Variants in NUP93 observed in about 807,000 individuals in gnomAD.
The protein encoded by NUP93 is nucleoporin 93.
A neutral mutation model predicts 107.8 loss-of-function variants in NUP93; 55 were observed. The ratio of observed to expected loss-of-function variants is 0.51; its 90% confidence interval spans 0.41 to 0.64. The LOEUF (loss-of-function observed/expected upper bound fraction) is 0.64. Ranked by LOEUF, NUP93 falls within the 30% of genes least tolerant of loss-of-function variation. The pLI, the probability that NUP93 is intolerant of heterozygous loss-of-function variation, is 0.00. For missense variants in NUP93, 937 were observed against 1,044.7 expected (o/e 0.90, Z 1.42); for synonymous variants, 390 against 397.5 (o/e 0.98, Z 0.22).
At chr16:56,805,703 T>A in intron 5 of NUP93, 71 bp downstream of exon 5, 2 of 1,496,236 alleles carry the variant, frequency 1.3e-6, no homozygotes, top group Non-Finnish European at 1.8e-6. Context: ...TCTACTTGAC[T>A]AGTATTTTTG....
At chr16:56,833,516 C>G in intron 13 of NUP93, 110 bp downstream of exon 13, 1 of 819,190 alleles carries the variant, frequency 1.2e-6, no homozygotes, top group Non-Finnish European at 1.8e-6. Context: ...GGGTACCAGT[C>G]ATTTTAGAGC....
At chr16:56,828,944 T>C in intron 8 of NUP93, 33 bp from the exon 9 acceptor site, 1 of 1,608,000 alleles carries the variant, frequency 6.2e-7, no homozygotes, top group Non-Finnish European at 8.5e-7. Context: ...ATGTTTTCAG[T>C]CTTCCCTGTT....
chr16:56,777,408 T>C (rs1161690825), intron 3 of NUP93, among the ~76,000 whole-genome samples: 1 of 152,208 alleles, frequency 6.6e-6, no homozygotes, highest in Non-Finnish European at 1.5e-5. Context: ...CTTTTCCCTG[T>C]TGTTTCTTAA....
intron 3 of NUP93, among the ~76,000 whole-genome samples, chr16:56,762,782 T>C (rs1962148989): frequency 6.6e-6 from 1 of 152,146 alleles, no homozygotes; most frequent in African/African-American, 2.4e-5. Flanking sequence ...CTCCATAGGC[T>C]CTAGGGGAGA....
At chr16:56,821,620 A>C (rs1323655258) in intron 7 of NUP93, 27 bp downstream of exon 7, 3 of 1,523,654 alleles carry the variant, frequency 2.0e-6, no homozygotes, top group Non-Finnish European at 9.1e-7. Context: ...ACTCAAGTAG[A>C]AACCGGGGTC....
intron 10 of NUP93, 36 bp from the exon 11 acceptor site, chr16:56,831,806 G>A (rs1255343211): frequency 1.9e-6 from 3 of 1,603,856 alleles, no homozygotes; most frequent in South Asian, 2.2e-5. Context: ...TTTTTATTGA[G>A]TATGTATCTA....
intron 2 of NUP93, among the ~76,000 whole-genome samples, chr16:56,756,607 T>G (rs2144477588): frequency 6.6e-6 from 1 of 152,268 alleles, no homozygotes; most frequent in Admixed American, 6.5e-5. Flanking sequence ...TAAACATACA[T>G]GTGCATGTGT....
chr16:56,776,131 G>A (rs1171573113), intron 3 of NUP93, among the ~76,000 whole-genome samples: 4 of 150,448 alleles, frequency 2.7e-5, no homozygotes, highest in Admixed American at 2.0e-4. Context: ...ATAGAATTTT[G>A]CGTTTAAGTT....
rs1442101041 is a variant in NUP93, at chr16:56,845,466, G to T, written c.*857G>T. 2.0e-5 allele frequency: 3 copies of T among 152,228 alleles called. No individual in the cohort carries two copies. The highest frequency in any genetic ancestry group is 3.1e-3 in the Middle Eastern group (1 of 318). The allele number at this position is 152,228 out of a possible 1,614,324, so 9.4% of individuals were successfully genotyped here. ...TTGGCCAGGCAGGCTCATGGGTCAC[G>T]TGCTGAGTCTGCAATGTACAGAATC... On this transcript the variant is annotated 3_prime_UTR_variant, in exon 22 of 22. Coordinates refer to ENST00000308159, the MANE Select transcript of NUP93 (RefSeq NM_014669.5).
chr16:56,779,403 T>C (rs1363053555), intron 3 of NUP93, among the ~76,000 whole-genome samples: 2 of 152,236 alleles, frequency 1.3e-5, no homozygotes, highest in African/African-American at 4.8e-5. Flanking sequence ...CCTTTTCTTT[T>C]TGCTTTAGTT....
At chr16:56,833,193 C>T (rs770988474) in intron 12 of NUP93, 22 bp from the exon 13 acceptor site, 2 of 1,540,142 alleles carry the variant, frequency 1.3e-6, no homozygotes, top group South Asian at 1.2e-5. Flanking sequence ...GGTTTTATCT[C>T]CTCTCCTCTC....
rs145685344 is a variant in NUP93, at chr16:56,843,909, C to A, written c.2350-590C>A. On this transcript the variant is annotated intron_variant, in intron 21 of 21. Transcript: ENST00000308159. ...ATTTGTAGGGCCACCTTTTTCCATCCTGAACAATCCAGGAATTCCATAAAT... is the reference window on the plus strand; with the variant it reads ...ATTTGTAGGGCCACCTTTTTCCATCATGAACAATCCAGGAATTCCATAAAT... Among the ~76,000 whole-genome samples the A allele has an allele frequency of 5.7e-3, 869 of 152,252 alleles. 13 individuals are homozygous for A. Among genetic ancestry groups the A allele is most frequent in the African/African-American group, 0.02 (821 of 41,522 alleles).
rs529036380 is a variant in NUP93, at chr16:56,841,516, T to C, written c.2221-189T>C. On this transcript the variant is annotated intron_variant, in intron 20 of 21. Coordinates refer to ENST00000308159, the MANE Select transcript of NUP93 (RefSeq NM_014669.5). Reference sequence around the variant, plus strand: ...AACCACCTGACCTGAGCAGCATTGCTTGGGTTTTTTTCTCACACTTGATGT... The same window carrying C: ...AACCACCTGACCTGAGCAGCATTGCCTGGGTTTTTTTCTCACACTTGATGT... 976 of 629,604 alleles carry C rather than the reference T, an allele frequency of 1.6e-3. 18 individuals are homozygous for C. The South Asian group carries it at 0.017, about 11-fold the overall frequency. The allele number at this position is 629,604 out of a possible 1,614,324, so 39.0% of individuals were successfully genotyped here.
chr16:56,844,162 T>A (rs2144655415), intron 21 of NUP93, among the ~76,000 whole-genome samples: 1 of 152,302 alleles, frequency 6.6e-6, no homozygotes, highest in East Asian at 1.9e-4. Flanking sequence ...CTCAGAAGAT[T>A]GGAGCAGGCA....
chr16:56,743,095 A>G (rs1448499063), intron 1 of NUP93, among the ~76,000 whole-genome samples: 2 of 152,254 alleles, frequency 1.3e-5, no homozygotes, highest in Non-Finnish European at 2.9e-5. Flanking sequence ...ATATTTAGGT[A>G]TCTACTCTTT....
At chr16:56,806,932 C>G (rs757978288) in intron 5 of NUP93, among the ~76,000 whole-genome samples, 2 of 152,202 alleles carry the variant, frequency 1.3e-5, no homozygotes, top group Non-Finnish European at 2.9e-5. Flanking sequence ...TTGCACGCTG[C>G]TACAGTCTCT....
chr16:56,777,005 TGAGA>T lies in NUP93; in HGVS notation c.297+18358_297+18361del, dbSNP rs558587761. Among the ~76,000 whole-genome samples the T allele has an allele frequency of 3.7e-3, 567 of 152,262 alleles. 2 individuals are homozygous for T. The highest frequency in any genetic ancestry group is 5.6e-3 in the Non-Finnish European group (378 of 68,014). On this transcript the variant is annotated intron_variant, in intron 3 of 21. Coordinates refer to ENST00000308159, the MANE Select transcript of NUP93 (RefSeq NM_014669.5). ...CTAAATACCAAGGCTTAATAGATGC[TGAGA>T]GAGAGAGTGAGCGTGTGTGTGTGTG...
chr16:56,766,271 A>T lies in NUP93; in HGVS notation c.297+7616A>T, dbSNP rs113545290. Among the ~76,000 whole-genome samples, 1,366 of 152,350 alleles carry T rather than the reference A, an allele frequency of 9.0e-3. 18 individuals carry two copies. Among genetic ancestry groups the T allele is most frequent in the African/African-American group, 0.031 (1,288 of 41,582 alleles). The stretch of plus-strand genomic sequence containing the variant: ...GGTTCTCTAAGAGTATTTTGGAACA[A>T]GCCCCGTGGCTGAAACATTTAACAT... On this transcript the variant is annotated intron_variant, in intron 3 of 21. Transcript: ENST00000308159.
intron 1 of NUP93, among the ~76,000 whole-genome samples, chr16:56,747,071 C>A (rs761524875): frequency 1.3e-5 from 2 of 151,106 alleles, no homozygotes; most frequent in Non-Finnish European, 2.9e-5. Flanking sequence ...GATCTTGGCT[C>A]ACTGCACTCT....
Sources: gnomAD v4.1 joint callset for allele counts (sites outside exome capture counted in the v4.1 genomes callset) on GRCh38, gnomAD v4.1.1 for gene constraint, MANE v1.5 for transcripts, NCBI Gene and HGNC (gene_info 2026-07-23, HGNC 2026-07-21) for gene names.